Variants in UCN3 observed in about 807,000 individuals in gnomAD.
UCN3 encodes urocortin 3, also known as urocortin-3.
In UCN3, 3 loss-of-function variants were observed where a neutral mutation model predicts 3.6. That is an observed-to-expected ratio of 0.83 (90% confidence interval 0.38 to 2.15). The LOEUF (loss-of-function observed/expected upper bound fraction) is 2.15, where lower values mean the gene tolerates loss of function less well. Ranked by LOEUF, UCN3 falls within the 30% of genes most tolerant of loss-of-function variation. The pLI is 0.06. For synonymous variants in UCN3, 100 were observed against 93.2 expected (o/e 1.07, Z -0.42); for missense variants, 206 against 208.3 (o/e 0.99, Z 0.07).
rs1554811024 is a variant in UCN3, at chr10:5,369,862, G to GTGTGTGT, written c.-6-3853_-6-3852insTGTGTGT. The stretch of plus-strand genomic sequence containing the variant: ...TGCTGGGTAAACATTTATCCACGTG[G>GTGTGTGT]GTGTGTGTGTATATGTGTGTGTATA... On this transcript the variant is annotated intron_variant, in intron 1 of 1. Coordinates refer to ENST00000380433, the MANE Select transcript of UCN3 (RefSeq NM_053049.4). 1.7e-4 allele frequency among the ~76,000 whole-genome samples: 17 copies of GTGTGTGT among 99,566 alleles called. 2 individuals are homozygous for GTGTGTGT. Among genetic ancestry groups the GTGTGTGT allele is most frequent in the African/African-American group, 6.1e-4 (16 of 26,044 alleles). The allele number at this position is 99,566 out of a possible 152,430, so 65.3% of individuals were successfully genotyped here. A position where few individuals can be genotyped will look rare whatever the true frequency, so the allele number is the denominator to read the frequency against.
intron 1 of UCN3, among the ~76,000 whole-genome samples, chr10:5,370,223 G>GTGTGTGTGTGTGTA (rs781842004): frequency 7.3e-5 from 1 of 13,764 alleles, no homozygotes; most frequent in Non-Finnish European, 1.1e-4. Flanking sequence ...GTGTGTGTAT[G>GTGTGTGTGTGTGTA]TGCGTGTGTG....
intron 1 of UCN3, among the ~76,000 whole-genome samples, chr10:5,368,161 G>A (rs1018228961): frequency 4.6e-5 from 7 of 151,938 alleles, no homozygotes; most frequent in East Asian, 1.9e-4. Flanking sequence ...GTGCCACCAC[G>A]CCTGGCTAAT....
At position 5,367,790 on chromosome 10, in the gene UCN3, G is replaced by A. The variant is rs1834130291; in HGVS notation, c.-7+2560G>A. Among the ~76,000 whole-genome samples, 2 of 152,186 alleles carry A rather than the reference G, an allele frequency of 1.3e-5. No individual in the cohort carries two copies. The highest frequency in any genetic ancestry group is 2.9e-5 in the Non-Finnish European group (2 of 68,030). On this transcript the variant is annotated intron_variant, in intron 1 of 1. Transcript: ENST00000380433. The surrounding 1 kb of genome is among the most constrained non-coding windows in gnomAD (Gnocchi z 4.3). ...GTAATATTTGCAATTATTCTGCAAA[G>A]TTCTAAGTGCTTGAGGGTAAATGCA...
At position 5,370,388 on chromosome 10, in the gene UCN3, C is replaced by CGTGTATAT. The variant is rs1564442872; in HGVS notation, c.-6-3323_-6-3322insATATGTGT. 7.6e-3 allele frequency among the ~76,000 whole-genome samples: 212 copies of CGTGTATAT among 27,968 alleles called. 45 individuals carry two copies. The highest frequency in any genetic ancestry group is 0.025 in the African/African-American group (107 of 4,280). The allele number at this position is 27,968 out of a possible 152,430, so 18.3% of individuals were successfully genotyped here. A position where few individuals can be genotyped will look rare whatever the true frequency, so the allele number is the denominator to read the frequency against. On this transcript the variant is annotated intron_variant, in intron 1 of 1. Transcript: ENST00000380433. Reference sequence around the variant, plus strand: ...ATGCGTGTGTATATGCGTGTATATGCGTGTGTATATGTGTGTGTATATGTG... The same window carrying CGTGTATAT: ...ATGCGTGTGTATATGCGTGTATATGCGTGTATATGTGTGTATATGTGTGTGTATATGTG...
rs1303909697 is a variant in UCN3, at chr10:5,370,803, ATGTGTGTGTGCG to A, written c.-6-2903_-6-2892del. On this transcript the variant is annotated intron_variant, in intron 1 of 1. Transcript: ENST00000380433. Reference sequence around the variant, plus strand: ...CGTGTGTGTGTGTATGCGTGTGTATATGTGTGTGTGCGTGTGTGTGCGCGCGTGTGTGTGCGC... The same window carrying A: ...CGTGTGTGTGTGTATGCGTGTGTATATGTGTGTGCGCGCGTGTGTGTGCGC... 3.9e-4 allele frequency among the ~76,000 whole-genome samples: 40 copies of A among 102,768 alleles called. 3 individuals carry two copies. The East Asian group carries it at 9.8e-3, about 25-fold the overall frequency. The allele number at this position is 102,768 out of a possible 152,430, so 67.4% of individuals were successfully genotyped here.
chr10:5,371,609 G>A (rs1426831873), intron 1 of UCN3, among the ~76,000 whole-genome samples: 4 of 152,212 alleles, frequency 2.6e-5, no homozygotes, highest in African/African-American at 7.2e-5. Context: ...CTCATGTGTG[G>A]GAAATGGCCT....
rs201708420 is a variant in UCN3 at position 5,374,064 on chromosome 10, C to G, written c.344C>G (p.Pro115Arg). 5.3e-5 allele frequency: 85 copies of G among 1,613,572 alleles called. No homozygotes were observed. In the African/African-American group the frequency reaches 9.2e-4, roughly 17 times the overall value. The stretch of plus-strand genomic sequence containing the variant: ...CCACGCCAGGACACGGCCAAGAGTC[C>G]CCACCGCACCAAGTTCACCCTGTCC... ...GKPRQDTAKS[P>R]HRTKFTLSLD... is the part of the protein sequence containing the mutation. Residue 115 changes from proline to arginine, a missense_variant, in exon 2 of 2, where the codon CCC becomes CGC. Transcript: ENST00000380433.
Position 5,370,119 on chromosome 10 carries a change from GTATGTGTGTGTA to G in UCN3, c.-6-3594_-6-3583del, listed in dbSNP as rs1831339352. 4.0e-5 allele frequency among the ~76,000 whole-genome samples: 2 copies of G among 50,120 alleles called. 1 individual carries two copies. The highest frequency in any genetic ancestry group is 7.2e-5 in the Non-Finnish European group (2 of 27,838). The allele number at this position is 50,120 out of a possible 152,430, so 32.9% of individuals were successfully genotyped here. A position where few individuals can be genotyped will look rare whatever the true frequency, so the allele number is the denominator to read the frequency against. On this transcript the variant is annotated intron_variant, in intron 1 of 1. Coordinates refer to ENST00000380433, the MANE Select transcript of UCN3 (RefSeq NM_053049.4). ...TGTATATGCGTGTGTATATGTGTGT[GTATGTGTGTGTA>G]TGTGTGTGTATGCGTGTGTATATGT...
intron 1 of UCN3, among the ~76,000 whole-genome samples, chr10:5,369,875 A>ATATG (rs1831317134): frequency 4.7e-5 from 4 of 84,400 alleles, no homozygotes; most frequent in African/African-American, 1.5e-4. Context: ...GTGTGTGTAT[A>ATATG]TGTGTGTGTA....
chr10:5,368,557 G>C (rs1193559478), intron 1 of UCN3, among the ~76,000 whole-genome samples: 1 of 151,940 alleles, frequency 6.6e-6, no homozygotes, highest in Non-Finnish European at 1.5e-5. Context: ...GTAGTGAAAG[G>C]AAAAAAGGGA....
chr10:5,374,222 G>C lies in UCN3; in HGVS notation c.*16G>C, dbSNP rs532850290. 4 of 1,546,902 alleles carry C rather than the reference G, an allele frequency of 2.6e-6. No individual in the cohort carries two copies. Among genetic ancestry groups the C allele is most frequent in the South Asian group, 2.4e-5 (2 of 82,682 alleles). On this transcript the variant is annotated 3_prime_UTR_variant, in exon 2 of 2. Coordinates refer to ENST00000380433, the MANE Select transcript of UCN3 (RefSeq NM_053049.4). ...GAAGAAGTAGAGGCGGAGGCTGGAC[G>C]GGAGGGCAGCGGGGTGGGGAGGGGG...
rs919305946 is a variant in UCN3, at chr10:5,366,517, A to G, written c.-7+1287A>G. On this transcript the variant is annotated intron_variant, in intron 1 of 1. Transcript: ENST00000380433. The surrounding 1 kb of genome is among the most constrained non-coding windows in gnomAD (Gnocchi z 4.2). ...AGACTTTATGTGGGAAGTACAGAGT[A>G]TCTTTTCTTCTTTGGGGAGAGTTCC... 2.0e-5 allele frequency among the ~76,000 whole-genome samples: 3 copies of G among 152,236 alleles called. No individual in the cohort carries two copies. The highest frequency in any genetic ancestry group is 7.2e-5 in the African/African-American group (3 of 41,450).
chr10:5,369,863 G>GTGTGTGTGTATA lies in UCN3; in HGVS notation c.-6-3830_-6-3819dup, dbSNP rs1370452066. On this transcript the variant is annotated intron_variant, in intron 1 of 1. Coordinates refer to ENST00000380433, the MANE Select transcript of UCN3 (RefSeq NM_053049.4). ...GCTGGGTAAACATTTATCCACGTGG[G>GTGTGTGTGTATA]TGTGTGTGTATATGTGTGTGTATAT... 1.6e-4 allele frequency among the ~76,000 whole-genome samples: 22 copies of GTGTGTGTGTATA among 134,902 alleles called. 1 individual carries two copies. Among genetic ancestry groups the GTGTGTGTGTATA allele is most frequent in the East Asian group, 4.9e-4 (2 of 4,112 alleles). 88.5% of individuals were successfully genotyped at this position (134,902 alleles called of 152,430 possible). A position where few individuals can be genotyped will look rare whatever the true frequency, so the allele number is the denominator to read the frequency against.
rs1831475667 is a variant in UCN3, at chr10:5,374,359, T to C, written c.*153T>C. On this transcript the variant is annotated 3_prime_UTR_variant, in exon 2 of 2. Coordinates refer to ENST00000380433, the MANE Select transcript of UCN3 (RefSeq NM_053049.4). ...ACAGGTTGCTGCACTGCTGAGCCCC[T>C]CTGATCTCTTCTGGCCTTTGACCCT... 2.8e-6 allele frequency: 2 copies of C among 719,156 alleles called. No individual in the cohort carries two copies. Among genetic ancestry groups the C allele is most frequent in the Admixed American group, 5.5e-5 (2 of 36,560 alleles). The allele number at this position is 719,156 out of a possible 1,614,324, so 44.5% of individuals were successfully genotyped here. A position where few individuals can be genotyped will look rare whatever the true frequency, so the allele number is the denominator to read the frequency against.
Position 5,374,253 on chromosome 10 carries a change from A to AGGGGGAGGGGAGGGGGAGG in UCN3, c.*61_*62insGGAGGGGGGGAGGGGAGGG, listed in dbSNP as rs1564445106. Reference sequence around the variant, plus strand: ...GCAGCGGGGTGGGGAGGGGGAGGGGAGGGGGAGGGGAGGGCGAGGGGGGGA... The same window carrying AGGGGGAGGGGAGGGGGAGG: ...GCAGCGGGGTGGGGAGGGGGAGGGGAGGGGGAGGGGAGGGGGAGGGGGGGAGGGGAGGGCGAGGGGGGGA... On this transcript the variant is annotated 3_prime_UTR_variant, in exon 2 of 2. Transcript: ENST00000380433. The AGGGGGAGGGGAGGGGGAGG allele has an allele frequency of 2.1e-4, 2 of 9,308 alleles. No individual in the cohort carries two copies. The highest frequency in any genetic ancestry group is 1.4e-3 in the Admixed American group (1 of 698). 0.6% of individuals were successfully genotyped at this position (9,308 alleles called of 1,614,324 possible).
In UCN3 at chr10:5,371,667, G is replaced by T. The variant is rs147828567; in HGVS notation, c.-6-2048G>T. ...AGCTGCAGAGCAGAGACTGGAGCTT[G>T]AGCACCGACTGCCAGCCCTGCCTGG... On this transcript the variant is annotated intron_variant, in intron 1 of 1. Transcript: ENST00000380433. Among the ~76,000 whole-genome samples the T allele has an allele frequency of 2.4e-3, 365 of 152,244 alleles. 11 individuals carry two copies. The East Asian group carries it at 0.058, about 24-fold the overall frequency.
In UCN3 at chr10:5,374,241, GAGGGGGAGGGGAGGGGGAGGGGAGGGCGA is replaced by G; in HGVS notation, c.*36_*64del. On this transcript the variant is annotated 3_prime_UTR_variant, in exon 2 of 2. Coordinates refer to ENST00000380433, the MANE Select transcript of UCN3 (RefSeq NM_053049.4). ...CTGGACGGGAGGGCAGCGGGGTGGGGAGGGGGAGGGGAGGGGGAGGGGAGGGCGAGGGGGGGAGGGGAGGGGGAGGGTGC... is the reference window on the plus strand; with the variant it reads ...CTGGACGGGAGGGCAGCGGGGTGGGGGGGGGGGAGGGGAGGGGGAGGGTGC... 7 of 559,864 alleles carry G rather than the reference GAGGGGGAGGGGAGGGGGAGGGGAGGGCGA, an allele frequency of 1.3e-5. No homozygotes were observed. Among genetic ancestry groups the G allele is most frequent in the Admixed American group, 3.1e-5 (1 of 31,886 alleles). The allele number at this position is 559,864 out of a possible 1,614,324, so 34.7% of individuals were successfully genotyped here. A position where few individuals can be genotyped will look rare whatever the true frequency, so the allele number is the denominator to read the frequency against.
At position 5,374,238 on chromosome 10, in the gene UCN3, G is replaced by A. The variant is rs1457774331; in HGVS notation, c.*32G>A. The A allele has an allele frequency of 3.4e-6, 2 of 591,706 alleles. No individual in the cohort carries two copies. Among genetic ancestry groups the A allele is most frequent in the Non-Finnish European group, 5.9e-6 (2 of 339,678 alleles). The allele number at this position is 591,706 out of a possible 1,614,324, so 36.7% of individuals were successfully genotyped here. On this transcript the variant is annotated 3_prime_UTR_variant, in exon 2 of 2. Transcript: ENST00000380433. ...AGGCTGGACGGGAGGGCAGCGGGGT[G>A]GGGAGGGGGAGGGGAGGGGGAGGGG...
chr10:5,367,982 T>A lies in UCN3; in HGVS notation c.-7+2752T>A, dbSNP rs1324805673. Among the ~76,000 whole-genome samples, 1 of 152,070 alleles carries A rather than the reference T, an allele frequency of 6.6e-6. No individual in the cohort carries two copies. Among genetic ancestry groups the A allele is most frequent in the African/African-American group, 2.4e-5 (1 of 41,492 alleles). ...GCCTGAGGGTAGCTCCAGGGTTGCA[T>A]CTCAGCACCCTCTAATTTTTTTAAT... On this transcript the variant is annotated intron_variant, in intron 1 of 1. Transcript: ENST00000380433. The surrounding 1 kb of genome is among the most constrained non-coding windows in gnomAD (Gnocchi z 4.3).
Sources: gnomAD v4.1 joint callset for allele counts (sites outside exome capture counted in the v4.1 genomes callset) on GRCh38, gnomAD v4.1.1 for gene constraint, Gnocchi (gnomAD v3.1) non-coding constraint, MANE v1.5 for transcripts, NCBI Gene and HGNC (gene_info 2026-07-23, HGNC 2026-07-21) for gene names.